NPAS3: variants seen among roughly 807,000 people sequenced by gnomAD.
NPAS3 encodes the protein neuronal PAS domain-containing protein 3.
NPAS3 carries 14 observed loss-of-function variants against 73.1 expected under a neutral mutation model. The ratio of observed to expected loss-of-function variants is 0.19; its 90% CI spans 0.13 to 0.30. The LOEUF (loss-of-function observed/expected upper bound fraction) is 0.30, where lower values mean the gene tolerates loss of function less well. Among genes scored for constraint, NPAS3 ranks in the 10% least tolerant of loss-of-function variants. The pLI is 1.00. For missense variants in NPAS3, 1,096 were observed against 1,250.0 expected, an observed-to-expected ratio of 0.88 and a Z score of 1.86; for synonymous variants, 620 against 541.5, an observed-to-expected ratio of 1.14 and a Z score of -2.01.
At chr14:33,346,224 CAA>C (rs3058294) in intron 3 of NPAS3, among the ~76,000 whole-genome samples, 3 of 127,424 alleles carry the variant, frequency 2.4e-5, no homozygotes, top group Admixed American at 7.8e-5. Flanking sequence ...GACTCCGTCT[CAA>C]AAAAAAAAAA....
chr14:33,094,347 TC>T (rs2042333445), intron 2 of NPAS3, among the ~76,000 whole-genome samples: 1 of 152,222 alleles, frequency 6.6e-6, no homozygotes, highest in African/African-American at 2.4e-5. Context: ...TTTAAAAATA[TC>T]TTCTGTTTTA....
intron 5 of NPAS3, among the ~76,000 whole-genome samples, chr14:33,587,636 T>C (rs373043690): frequency 1.3e-5 from 2 of 152,236 alleles, no homozygotes; most frequent in South Asian, 2.1e-4. Context: ...CTCTGGTTTA[T>C]TGTGAACCTA....
At chr14:33,388,891 C>T (rs919467349) in intron 4 of NPAS3, among the ~76,000 whole-genome samples, 2 of 152,038 alleles carry the variant, frequency 1.3e-5, no homozygotes, top group African/African-American at 4.8e-5. Context: ...CACGTAAAGC[C>T]CTGTGGATTG....
At chr14:33,305,954 A>T (rs1291494886) in intron 3 of NPAS3, among the ~76,000 whole-genome samples, 1 of 152,188 alleles carries the variant, frequency 6.6e-6, no homozygotes, top group East Asian at 1.9e-4. Flanking sequence ...GTTTGTTTAT[A>T]GTATGCTGAC....
At chr14:33,218,840 A>T (rs2047320010) in intron 3 of NPAS3, among the ~76,000 whole-genome samples, 2 of 152,152 alleles carry the variant, frequency 1.3e-5, no homozygotes, top group Admixed American at 6.5e-5. Flanking sequence ...TATTCATCAC[A>T]TGTTTTCTTA....
intron 1 of NPAS3, among the ~76,000 whole-genome samples, chr14:32,981,896 T>C (rs1002446070): frequency 6.6e-6 from 1 of 152,220 alleles, no homozygotes; most frequent in Non-Finnish European, 1.5e-5. Context: ...TCATCCACTC[T>C]TAGGGTGTCA....
intron 3 of NPAS3, among the ~76,000 whole-genome samples, chr14:33,281,358 T>A (rs2041598211): frequency 6.6e-6 from 1 of 152,176 alleles, no homozygotes; most frequent in Non-Finnish European, 1.5e-5. Context: ...AGGCTGGGCA[T>A]GGTGGCTCAT....
chr14:33,689,857 GACTTC>G (rs1477295076), intron 6 of NPAS3, among the ~76,000 whole-genome samples: 22 of 152,276 alleles, frequency 1.4e-4, no homozygotes, highest in Middle Eastern at 3.4e-3. Flanking sequence ...TACACCTGCT[GACTTC>G]CCTTTTTCTA....
At chr14:33,251,873 T>A (rs2139896225) in intron 3 of NPAS3, among the ~76,000 whole-genome samples, 1 of 152,262 alleles carries the variant, frequency 6.6e-6, no homozygotes, top group South Asian at 2.1e-4. Flanking sequence ...AAAATTTTCC[T>A]CTGCTTTCTC....
chr14:33,350,443 G>A (rs56258417), intron 3 of NPAS3, among the ~76,000 whole-genome samples: 20,447 of 152,160 alleles, frequency 0.13, 1,423 homozygotes, highest in East Asian at 0.2. Flanking sequence ...TCACACCATG[G>A]TTTATGCATA....
At chr14:33,515,506 T>C (rs1265681680) in intron 4 of NPAS3, among the ~76,000 whole-genome samples, 3 of 152,204 alleles carry the variant, frequency 2.0e-5, no homozygotes, top group East Asian at 1.9e-4. Context: ...TAAAGTTTCA[T>C]TGAAACTCAG....
upstream of NPAS3, among the ~76,000 whole-genome samples, chr14:32,936,975 G>A (rs770971163): frequency 6.6e-6 from 1 of 150,944 alleles, no homozygotes; most frequent in Non-Finnish European, 1.5e-5. Context: ...AGCCTTTGGG[G>A]TGTATTATTC....
At chr14:33,568,117 A>C (rs868389288) in intron 5 of NPAS3, among the ~76,000 whole-genome samples, 76 of 152,348 alleles carry the variant, frequency 5.0e-4, no homozygotes, top group African/African-American at 1.7e-3. Flanking sequence ...AGAGATCTAA[A>C]GTCAGAAAAA....
intron 3 of NPAS3, among the ~76,000 whole-genome samples, chr14:33,309,019 C>T (rs1003174054): frequency 6.6e-6 from 1 of 152,036 alleles, no homozygotes; most frequent in Non-Finnish European, 1.5e-5. Context: ...TTAGATGAGC[C>T]AGCTATCACA....
At chr14:33,570,231 C>T (rs186269496) in intron 5 of NPAS3, among the ~76,000 whole-genome samples, 2 of 152,282 alleles carry the variant, frequency 1.3e-5, no homozygotes, top group East Asian at 1.9e-4. Flanking sequence ...TTTTTAAGAT[C>T]GCTCCTAGTA....
intron 1 of NPAS3, among the ~76,000 whole-genome samples, chr14:33,011,638 C>A (rs2039201233): frequency 6.6e-6 from 1 of 152,038 alleles, no homozygotes; most frequent in African/African-American, 2.4e-5. Context: ...CATAAGAAAT[C>A]AGCAATTTCT....
chr14:33,741,428 G>A (rs2061653121), intron 7 of NPAS3, among the ~76,000 whole-genome samples: 1 of 152,078 alleles, frequency 6.6e-6, no homozygotes, highest in Non-Finnish European at 1.5e-5. Context: ...AATTTCCAGG[G>A]TGGAACTTAC....
chr14:33,545,527 T>A (rs75577550), intron 4 of NPAS3, among the ~76,000 whole-genome samples: 1,706 of 152,334 alleles, frequency 0.011, 11 homozygotes, highest in Middle Eastern at 0.061. Context: ...AAGTCAGAAT[T>A]CTAGCTCAGG....
chr14:33,159,069 G>A (rs976718249), intron 2 of NPAS3, among the ~76,000 whole-genome samples: 3 of 152,098 alleles, frequency 2.0e-5, no homozygotes, highest in Non-Finnish European at 4.4e-5. Flanking sequence ...GACCGAGGCA[G>A]GGGAATTGCT....
Sources: allele counts gnomAD v4.1 joint callset (sites outside exome capture counted in the v4.1 genomes callset), GRCh38; gene constraint gnomAD v4.1.1; transcripts MANE v1.5; gene names NCBI Gene and HGNC (gene_info 2026-07-23, HGNC 2026-07-21).